TASP1: variants seen among roughly 807,000 people sequenced by gnomAD.
The protein encoded by TASP1 is threonine aspartase 1.
In TASP1, 16 loss-of-function variants were observed where a neutral mutation model predicts 56.6. The observed-to-expected ratio is 0.28, with a 90% CI of 0.19 to 0.43. The LOEUF is 0.43. TASP1 is among the 20% of genes least tolerant of loss of function. The pLI, the probability that TASP1 is intolerant of heterozygous loss-of-function variation, is 1.00. For missense variants in TASP1, 393 were observed against 511.6 expected, an observed-to-expected ratio of 0.77 and a Z score of 2.24; for synonymous variants, 179 against 184.2, an observed-to-expected ratio of 0.97 and a Z score of 0.23.
At chr20:13,354,908 C>A in the TASP1 span, among the ~76,000 whole-genome samples, 1 of 152,042 alleles carries the variant, frequency 6.6e-6, no homozygotes, top group African/African-American at 2.4e-5. Flanking sequence ...GACTCAAAAA[C>A]TGCAGCTGAA....
chr20:13,478,739 G>A (rs1038713007), intron 11 of TASP1, among the ~76,000 whole-genome samples: 1 of 151,826 alleles, frequency 6.6e-6, no homozygotes, highest in Non-Finnish European at 1.5e-5. Context: ...AGTGAACTTA[G>A]GTTAATTGTA....
At chr20:13,209,051 C>T in the TASP1 span, among the ~76,000 whole-genome samples, 1 of 152,074 alleles carries the variant, frequency 6.6e-6, no homozygotes, top group African/African-American at 2.4e-5. Context: ...GAACGTAAAC[C>T]TTATATGTGC....
At chr20:13,270,730 A>G in the TASP1 span, 3 of 1,613,800 alleles carry the variant, frequency 1.9e-6, no homozygotes, top group Non-Finnish European at 2.5e-6. Flanking sequence ...AATGGGCAGA[A>G]TCCAAATATC....
chr20:13,570,752 T>C (rs1475267581), intron 6 of TASP1, among the ~76,000 whole-genome samples: 1 of 152,148 alleles, frequency 6.6e-6, no homozygotes, highest in Non-Finnish European at 1.5e-5. Flanking sequence ...GTTTTTCCTA[T>C]TCTTGTACGA....
At chr20:13,627,067 T>A (rs369245232) in intron 2 of TASP1, among the ~76,000 whole-genome samples, 1 of 152,182 alleles carries the variant, frequency 6.6e-6, no homozygotes, top group Admixed American at 6.5e-5. Context: ...TTTCTCTTTA[T>A]GGCAAGTGAT....
At chr20:13,360,400 T>C in the TASP1 span, among the ~76,000 whole-genome samples, 31 of 145,892 alleles carry the variant, frequency 2.1e-4, no homozygotes, top group Middle Eastern at 0.01. Context: ...CTCATAAAAA[T>C]ACATGTGCTC....
the TASP1 span, among the ~76,000 whole-genome samples, chr20:13,327,975 G>C: frequency 1.3e-5 from 2 of 152,102 alleles, no homozygotes; most frequent in African/African-American, 2.4e-5. Flanking sequence ...TTAAACTAAA[G>C]AGCGACTGCA....
At chr20:13,520,667 A>G (rs6134900) in intron 10 of TASP1, among the ~76,000 whole-genome samples, 1 of 152,206 alleles carries the variant, frequency 6.6e-6, no homozygotes, top group African/African-American at 2.4e-5. Flanking sequence ...AACCATAAAA[A>G]CCATATAAGA....
At chr20:13,396,731 A>T (rs6074604) in intron 13 of TASP1, among the ~76,000 whole-genome samples, 79,751 of 152,104 alleles carry the variant, frequency 0.52, 23,022 homozygotes, top group Non-Finnish European at 0.65. Context: ...TGAGAAAGGA[A>T]TGCCATATGT....
At chr20:13,260,172 G>A in the TASP1 span, among the ~76,000 whole-genome samples, 9 of 152,334 alleles carry the variant, frequency 5.9e-5, no homozygotes, top group South Asian at 1.2e-3. Context: ...AACAGGTGCC[G>A]GTGGCAGGAG....
At chr20:13,361,882 T>G in the TASP1 span, among the ~76,000 whole-genome samples, 1 of 152,056 alleles carries the variant, frequency 6.6e-6, no homozygotes. Flanking sequence ...TCCTTAGGCA[T>G]TCTCTAATCA....
chr20:13,499,477 G>A (rs765354676), intron 10 of TASP1, among the ~76,000 whole-genome samples: 5,379 of 140,696 alleles, frequency 0.038, 122 homozygotes, highest in African/African-American at 0.057. Context: ...AAAAAAAAAA[G>A]AAAGAAAGAG....
At chr20:13,109,800 G>C in the TASP1 span, among the ~76,000 whole-genome samples, 172 of 152,298 alleles carry the variant, frequency 1.1e-3, no homozygotes, top group African/African-American at 3.8e-3. Flanking sequence ...TTAGACCTAA[G>C]AGATGCATTT....
chr20:13,472,502 A>C (rs2044546665), intron 11 of TASP1, among the ~76,000 whole-genome samples: 1 of 151,170 alleles, frequency 6.6e-6, no homozygotes, highest in Non-Finnish European at 1.5e-5. Flanking sequence ...ATTCGACTAA[A>C]GAGCTTCTGC....
the TASP1 span, among the ~76,000 whole-genome samples, chr20:13,225,055 G>C: frequency 7.3e-4 from 109 of 148,802 alleles, 1 homozygote; most frequent in South Asian, 9.2e-3. Flanking sequence ...GGGTTTCACC[G>C]TGTTAGCCAG....
chr20:13,132,193 T>C, the TASP1 span, among the ~76,000 whole-genome samples: 1 of 145,344 alleles, frequency 6.9e-6, no homozygotes, highest in Non-Finnish European at 1.5e-5. Context: ...TTTTTTTTTT[T>C]TGACATGGAG....
At chr20:13,599,784 C>T (rs1280040345) in intron 4 of TASP1, among the ~76,000 whole-genome samples, 3 of 147,884 alleles carry the variant, frequency 2.0e-5, no homozygotes, top group Middle Eastern at 7.0e-3. Context: ...AACATCCATT[C>T]GTGATTTAAA....
chr20:13,233,452 G>A, the TASP1 span, among the ~76,000 whole-genome samples: 4 of 152,062 alleles, frequency 2.6e-5, no homozygotes, highest in Admixed American at 2.0e-4. Context: ...AAAATTAGCC[G>A]GGCGTGGTGG....
the TASP1 span, among the ~76,000 whole-genome samples, chr20:13,344,268 T>C: frequency 6.6e-6 from 1 of 151,932 alleles, no homozygotes; most frequent in African/African-American, 2.4e-5. Context: ...ACAGAATATC[T>C]ATATTTGCGC....
Sources: allele counts gnomAD v4.1 joint callset (sites outside exome capture counted in the v4.1 genomes callset), GRCh38; gene constraint gnomAD v4.1.1; transcripts MANE v1.5; gene names NCBI Gene and HGNC (gene_info 2026-07-23, HGNC 2026-07-21).